PPA2: variants seen among roughly 807,000 people sequenced by gnomAD.
PPA2 encodes the protein inorganic pyrophosphatase 2.
Under a neutral mutation model 49.5 loss-of-function variants are expected in PPA2, and 48 were observed. The ratio of observed to expected loss-of-function variants is 0.97; its 90% CI spans 0.77 to 1.23. The LOEUF (loss-of-function observed/expected upper bound fraction) is 1.23, where lower values mean the gene tolerates loss of function less well. Among genes scored for constraint, PPA2 ranks in the 50% most tolerant of loss-of-function variants. PPA2 has a pLI of 0.00. For synonymous variants in PPA2, 131 were observed against 139.9 expected (o/e 0.94, Z 0.45); for missense variants, 429 against 410.1 (o/e 1.05, Z -0.40).
chr4:105,380,462 T>A (rs1163167353), intron 10 of PPA2, among the ~76,000 whole-genome samples: 2 of 152,200 alleles, frequency 1.3e-5, no homozygotes, highest in Admixed American at 6.5e-5. Context: ...TTAATTTTTT[T>A]AAATTGTTTT....
chr4:105,467,672 G>A (rs1303406556), intron 1 of PPA2, among the ~76,000 whole-genome samples: 1 of 46,392 alleles, frequency 2.2e-5, no homozygotes, highest in African/African-American at 8.4e-5. Flanking sequence ...AAAGATGATG[G>A]TGAAACAGAA....
intron 7 of PPA2, among the ~76,000 whole-genome samples, chr4:105,402,893 T>C (rs1419826305): frequency 1.2e-4 from 18 of 152,018 alleles, no homozygotes; most frequent in Non-Finnish European, 8.8e-5. Context: ...CTCAGAGGAA[T>C]TACCAATGGA....
intron 1 of PPA2, among the ~76,000 whole-genome samples, chr4:105,459,357 C>T (rs962811857): frequency 6.6e-6 from 1 of 152,096 alleles, no homozygotes; most frequent in African/African-American, 2.4e-5. Context: ...AACACAAGAA[C>T]ACAAAAAACA....
At chr4:105,377,467 A>C (rs1403150492) in intron 10 of PPA2, among the ~76,000 whole-genome samples, 1 of 152,176 alleles carries the variant, frequency 6.6e-6, no homozygotes, top group Non-Finnish European at 1.5e-5. Flanking sequence ...AATTTGTTTC[A>C]GGTTATAAAT....
chr4:105,437,877 A>C (rs1724137485), intron 6 of PPA2, 73 bp downstream of exon 6: 2 of 1,141,574 alleles, frequency 1.8e-6, no homozygotes, highest in African/African-American at 3.2e-5. Context: ...GAAGAACTAG[A>C]GGCTAAAATG....
intron 3 of PPA2, among the ~76,000 whole-genome samples, chr4:105,452,328 G>C (rs1722707283): frequency 6.6e-6 from 1 of 152,124 alleles, no homozygotes. Flanking sequence ...ACTGTTTCAG[G>C]TTAATACACT....
chr4:105,400,520 C>A (rs1734322300), intron 7 of PPA2, among the ~76,000 whole-genome samples: 1 of 152,106 alleles, frequency 6.6e-6, no homozygotes, highest in Non-Finnish European at 1.5e-5. Flanking sequence ...ATAGTCCAAG[C>A]TACTCAGGAG....
chr4:105,423,688 G>A (rs1400329424), intron 7 of PPA2, among the ~76,000 whole-genome samples: 2 of 152,126 alleles, frequency 1.3e-5, no homozygotes, highest in East Asian at 3.9e-4. Context: ...AAATTTCTAG[G>A]ACATCAAAAT....
At chr4:105,372,619 G>A (rs1270993454) in intron 10 of PPA2, among the ~76,000 whole-genome samples, 1 of 152,144 alleles carries the variant, frequency 6.6e-6, no homozygotes, top group South Asian at 2.1e-4. Flanking sequence ...AAGCAAAAGG[G>A]AATTCTCCAG....
chr4:105,382,653 A>AT (rs1410838373), intron 10 of PPA2, among the ~76,000 whole-genome samples: 1 of 152,088 alleles, frequency 6.6e-6, no homozygotes, highest in South Asian at 2.1e-4. Flanking sequence ...AGAATCTCAT[A>AT]TTTTTTGGCT....
chr4:105,453,206 A>C (rs1722739296), intron 3 of PPA2, among the ~76,000 whole-genome samples: 1 of 152,208 alleles, frequency 6.6e-6, no homozygotes, highest in Non-Finnish European at 1.5e-5. Context: ...TCAAATTCAT[A>C]AGACAGAAAG....
intron 7 of PPA2, among the ~76,000 whole-genome samples, chr4:105,412,213 CA>C (rs1315857996): frequency 6.6e-6 from 1 of 152,110 alleles, no homozygotes; most frequent in African/African-American, 2.4e-5. Flanking sequence ...CTACAGTAAC[CA>C]AAACAGCATG....
intron 4 of PPA2, among the ~76,000 whole-genome samples, chr4:105,447,447 T>C (rs1722443164): frequency 6.6e-6 from 1 of 152,210 alleles, no homozygotes; most frequent in Admixed American, 6.5e-5. Flanking sequence ...AAGAATAAGA[T>C]GTTTTATTGT....
chr4:105,463,896 G>C (rs1489205127), intron 1 of PPA2, among the ~76,000 whole-genome samples: 1 of 152,208 alleles, frequency 6.6e-6, no homozygotes, highest in Non-Finnish European at 1.5e-5. Flanking sequence ...GCAAAAGTTT[G>C]CTGCAGTGGC....
chr4:105,381,092 C>A (rs1347990575), intron 10 of PPA2, among the ~76,000 whole-genome samples: 1 of 152,104 alleles, frequency 6.6e-6, no homozygotes, highest in Non-Finnish European at 1.5e-5. Context: ...TAATCTACAA[C>A]TGTAAAATTG....
intron 9 of PPA2, among the ~76,000 whole-genome samples, chr4:105,393,216 G>A (rs1195877538): frequency 3.3e-5 from 5 of 151,954 alleles, no homozygotes; most frequent in African/African-American, 9.7e-5. Flanking sequence ...TCTTAAGGCC[G>A]GGCGCAGTGG....
At chr4:105,407,161 CTGAAAGAGAA>C (rs1291134785) in intron 7 of PPA2, 1 of 148,522 alleles carries the variant, frequency 6.7e-6, no homozygotes, top group Non-Finnish European at 1.5e-5. Context: ...AGTCCTTGAA[CTGAAAGAGAA>C]TGACACCAGG....
intron 10 of PPA2, among the ~76,000 whole-genome samples, chr4:105,381,521 G>GA (rs1377908756): frequency 6.6e-6 from 1 of 151,922 alleles, no homozygotes; most frequent in African/African-American, 2.4e-5. Context: ...ATTAACATGG[G>GA]AAAAATTGCC....
At chr4:105,423,201 C>G (rs114557137) in intron 7 of PPA2, 1 of 152,124 alleles carries the variant, frequency 6.6e-6, no homozygotes. Context: ...ATGCACTTCA[C>G]GCTATCAGAC....
Sources: gnomAD v4.1 joint callset for allele counts (sites outside exome capture counted in the v4.1 genomes callset) on GRCh38, gnomAD v4.1.1 for gene constraint, MANE v1.5 for transcripts, NCBI Gene and HGNC (gene_info 2026-07-23, HGNC 2026-07-21) for gene names.